The following CMTR1 variants were observed in gnomAD, a reference collection of about 807,000 sequenced individuals.
CMTR1 encodes cap-specific mRNA (nucleoside-2'-O-)-methyltransferase 1.
A neutral mutation model predicts 107.0 loss-of-function variants in CMTR1; 39 were observed. The ratio of observed to expected loss-of-function variants is 0.36; its 90% CI spans 0.28 to 0.48. The LOEUF is 0.48. Among genes scored for constraint, CMTR1 ranks in the 20% least tolerant of loss-of-function variants. CMTR1 has a pLI of 0.99. For missense variants in CMTR1, 672 were observed against 1,064.9 expected (o/e 0.63, Z 5.14); for synonymous variants, 366 against 379.5 (o/e 0.96, Z 0.41).
rs775798436 is a variant in CMTR1 at position 37,472,017 on chromosome 6, T to C, written c.1620+113T>C. 2.2e-6 allele frequency: 2 copies of C among 895,570 alleles called. No individual in the cohort carries two copies. Among genetic ancestry groups the C allele is most frequent in the Non-Finnish European group, 1.7e-6 (1 of 582,752 alleles). The allele number at this position is 895,570 out of a possible 1,614,324, so 55.5% of individuals were successfully genotyped here. A position where few individuals can be genotyped will look rare whatever the true frequency, so the allele number is the denominator to read the frequency against. ...TGTCTCTGCATCCAAAAATATCTGCTACCCTCACAGCATCCCAGAGGTTGA... is the reference window on the plus strand; with the variant it reads ...TGTCTCTGCATCCAAAAATATCTGCCACCCTCACAGCATCCCAGAGGTTGA... On this transcript the variant is annotated intron_variant, in intron 15 of 23. Coordinates refer to ENST00000373451, the MANE Select transcript of CMTR1 (RefSeq NM_015050.3). The surrounding 1 kb of genome is among the most constrained non-coding windows in gnomAD (Gnocchi z 4.1).
At chr6:37,455,178 G>A (rs1562121542) in intron 8 of CMTR1, among the ~76,000 whole-genome samples, 2 of 151,782 alleles carry the variant, frequency 1.3e-5, no homozygotes, top group Non-Finnish European at 2.9e-5. Context: ...TCCGCCTCTC[G>A]GGTTCACGTG....
At chr6:37,431,708 G>A (rs1045633941), upstream of CMTR1, among the ~76,000 whole-genome samples, 5 of 152,180 alleles carry the variant, frequency 3.3e-5, no homozygotes, top group African/African-American at 7.2e-5. Context: ...TTTCGAGATA[G>A]GGACACTAAA....
chr6:37,438,018 C>T (rs1454872035), intron 2 of CMTR1, among the ~76,000 whole-genome samples: 1 of 152,210 alleles, frequency 6.6e-6, no homozygotes, highest in Non-Finnish European at 1.5e-5. Context: ...TGAGATTACT[C>T]TTCCCCCTTC....
chr6:37,446,407 C>T lies in CMTR1; in HGVS notation c.402C>T (p.Gly134=). 6.2e-7 allele frequency: 1 copy of T among 1,614,026 alleles called. No individual in the cohort carries two copies. Among genetic ancestry groups the T allele is most frequent in the Non-Finnish European group, 8.5e-7 (1 of 1,180,018 alleles). ...GRRGLGLTLR[G]FDQELNVDWR... ...GAGGCTTGGGTCTGACACTCCGGGG[C>T]TTTGACCAGGAGCTGAACGTGGACT... The change falls in exon 4 of 24, where the codon GGC becomes GGT. Residue 134 remains glycine (G), a synonymous_variant. Coordinates refer to ENST00000373451, the MANE Select transcript of CMTR1 (RefSeq NM_015050.3).
In CMTR1 at chr6:37,458,594, C is replaced by T; in HGVS notation, c.778-18C>T. On this transcript the variant is annotated intron_variant, in intron 8 of 23. Transcript: ENST00000373451. This position sits in a 1 kb window ranked among gnomAD's most constrained non-coding sequence, Gnocchi z 4.7. ...GTCTTGTTTTCCTTCCTCTCCTGTC[C>T]TCCACTTGCCTTTGCAGAAGCCACT... is the stretch of plus-strand genomic sequence containing the variant. 6.2e-7 allele frequency: 1 copy of T among 1,611,816 alleles called. No individual in the cohort carries two copies. The highest frequency in any genetic ancestry group is 8.5e-7 in the Non-Finnish European group (1 of 1,179,588).
At chr6:37,474,126 A>G (rs1348085795) in intron 17 of CMTR1, among the ~76,000 whole-genome samples, 1 of 152,156 alleles carries the variant, frequency 6.6e-6, no homozygotes, top group Non-Finnish European at 1.5e-5. Context: ...TGTCTTCCTC[A>G]GTTACTTCTT....
At chr6:37,433,076 C>G (rs538892283), upstream of CMTR1, 3 of 152,452 alleles carry the variant, frequency 2.0e-5, no homozygotes, top group African/African-American at 7.2e-5. Context: ...CTTTTCCGGG[C>G]GGCTTTTCCG....
chr6:37,466,892 C>T (rs1474973268), intron 13 of CMTR1, among the ~76,000 whole-genome samples: 1 of 152,034 alleles, frequency 6.6e-6, no homozygotes, highest in Non-Finnish European at 1.5e-5. Flanking sequence ...CCTTTAGGGC[C>T]AGGCACGGTG....
chr6:37,447,179 CTGCATAGT>C (rs1160756735), intron 4 of CMTR1, among the ~76,000 whole-genome samples: 1 of 152,220 alleles, frequency 6.6e-6, no homozygotes, highest in East Asian at 1.9e-4. Flanking sequence ...ATCTAGCTTT[CTGCATAGT>C]TGCTGTAGTT....
chr6:37,477,676 G>A (rs1306298611), intron 21 of CMTR1, 37 bp downstream of exon 21: 3 of 1,536,942 alleles, frequency 2.0e-6, no homozygotes, highest in Non-Finnish European at 2.7e-6. Flanking sequence ...GATTCAAGAG[G>A]AGGTGGGGGT....
chr6:37,462,779 T>C (rs1207974899), intron 12 of CMTR1, 50 bp from the exon 13 acceptor site: 13 of 1,561,482 alleles, frequency 8.3e-6, no homozygotes, highest in South Asian at 4.5e-5. Context: ...AAAAGGAATG[T>C]ATGGGGAGGA....
chr6:37,433,587 A>C (rs1236236695), intron 1 of CMTR1, among the ~76,000 whole-genome samples: 1 of 152,118 alleles, frequency 6.6e-6, no homozygotes, highest in South Asian at 2.1e-4. Context: ...GCACACATTC[A>C]CACGCTCATG....
chr6:37,479,994 C>A lies in CMTR1; in HGVS notation c.2376-19C>A. 2 of 1,558,998 alleles carry A rather than the reference C, an allele frequency of 1.3e-6. No individual in the cohort carries two copies. Among genetic ancestry groups the A allele is most frequent in the Non-Finnish European group, 1.7e-6 (2 of 1,158,486 alleles). On this transcript the variant is annotated intron_variant, in intron 23 of 23. Transcript: ENST00000373451. ...TCTGGGTGCAGTCCTGACCTCTTTC[C>A]CATCCCTCTCCTCCCCAGCATTTGC...
chr6:37,468,160 C>CT (rs796839914), intron 13 of CMTR1, among the ~76,000 whole-genome samples: 11,939 of 141,702 alleles, frequency 0.084, 1,523 homozygotes, highest in African/African-American at 0.28. Context: ...TTTTAGATGC[C>CT]TTTTTTTTTT....
chr6:37,462,513 A>G (rs911929728), intron 12 of CMTR1, among the ~76,000 whole-genome samples: 2 of 152,240 alleles, frequency 1.3e-5, no homozygotes, highest in African/African-American at 2.4e-5. Flanking sequence ...TTACAAACAC[A>G]TATTTCTGGG....
upstream of CMTR1, among the ~76,000 whole-genome samples, chr6:37,432,996 C>T (rs1357160611): frequency 6.6e-6 from 1 of 152,260 alleles, no homozygotes; most frequent in Non-Finnish European, 1.5e-5. Context: ...GCACCTAGCA[C>T]TTACAATTTT....
intron 1 of CMTR1, among the ~76,000 whole-genome samples, chr6:37,435,129 T>G (rs1187744052): frequency 1.3e-5 from 2 of 152,206 alleles, no homozygotes; most frequent in East Asian, 3.8e-4. Context: ...AAAACCAGTA[T>G]TTTTATGATA....
At chr6:37,433,822 C>G (rs1771455290) in intron 1 of CMTR1, among the ~76,000 whole-genome samples, 1 of 152,224 alleles carries the variant, frequency 6.6e-6, no homozygotes, top group African/African-American at 2.4e-5. Context: ...GAGCAGGGCA[C>G]TGGTTAGCTG....
chr6:37,471,711 G>C lies in CMTR1; in HGVS notation c.1563-136G>C, dbSNP rs1293294969. The C allele has an allele frequency of 8.9e-6, 6 of 672,006 alleles. No homozygotes were observed. In the African/African-American group the frequency reaches 1.1e-4, roughly 12 times the overall value. 41.6% of individuals were successfully genotyped at this position (672,006 alleles called of 1,614,324 possible). On this transcript the variant is annotated intron_variant, in intron 14 of 23. Transcript: ENST00000373451. The stretch of plus-strand genomic sequence containing the variant: ...CATGTGTTGTAATCACGCTGGGCCA[G>C]TGGCAGCATAGTGTCTGTGTGTACA...
Sources: allele counts gnomAD v4.1 joint callset (sites outside exome capture counted in the v4.1 genomes callset), GRCh38; gene constraint gnomAD v4.1.1; non-coding constraint Gnocchi (gnomAD v3.1); transcripts MANE v1.5; gene names NCBI Gene and HGNC (gene_info 2026-07-23, HGNC 2026-07-21).